Variants in INHBC observed in about 807,000 individuals in gnomAD.
INHBC encodes inhibin subunit beta C, also known as inhibin beta C chain.
A neutral mutation model predicts 12.4 loss-of-function variants in INHBC; 10 were observed. That is an observed-to-expected ratio of 0.81 (90% confidence interval 0.50 to 1.37). INHBC has a LOEUF of 1.37. Ranked by LOEUF, INHBC falls within the 40% of genes most tolerant of loss-of-function variation. The pLI is 0.00. For synonymous variants in INHBC, 147 were observed against 171.6 expected, an observed-to-expected ratio of 0.86 and a Z score of 1.12; for missense variants, 382 against 439.4, an observed-to-expected ratio of 0.87 and a Z score of 1.17.
intron 1 of INHBC, among the ~76,000 whole-genome samples, chr12:57,436,921 C>T (rs1008238156): frequency 6.6e-6 from 1 of 152,028 alleles, no homozygotes; most frequent in Non-Finnish European, 1.5e-5. Flanking sequence ...CCTGCCTCGC[C>T]CTCCCAAAGT....
chr12:57,441,042 AAAAC>A (rs536803247), intron 1 of INHBC, among the ~76,000 whole-genome samples: 542 of 152,184 alleles, frequency 3.6e-3, no homozygotes, highest in South Asian at 6.6e-3. Flanking sequence ...ATGTTTCTTT[AAAAC>A]AAACAAACAA....
At chr12:57,436,388 C>T (rs1870337935) in intron 1 of INHBC, among the ~76,000 whole-genome samples, 1 of 151,354 alleles carries the variant, frequency 6.6e-6, no homozygotes, top group African/African-American at 2.4e-5. Flanking sequence ...TGGTCTCGAA[C>T]TCCTGACCTC....
chr12:57,448,386 T>TG (rs1269912698), intron 1 of INHBC, among the ~76,000 whole-genome samples: 1 of 151,866 alleles, frequency 6.6e-6, no homozygotes, highest in African/African-American at 2.4e-5. Flanking sequence ...CTGGCCAACA[T>TG]GGTGAAACCC....
chr12:57,436,167 CTTT>C (rs35783961), intron 1 of INHBC, among the ~76,000 whole-genome samples: 1 of 118,386 alleles, frequency 8.4e-6, no homozygotes, highest in Non-Finnish European at 1.7e-5. Context: ...TTTTAAAAAA[CTTT>C]TTTTTTTTTT....
At position 57,446,939 on chromosome 12, in the gene INHBC, T is replaced by C. The variant is rs1434557918; in HGVS notation, c.314-2338T>C. ...AGTGGTTAACTGTGTCAAACACTGC[T>C]TAAAGGTCAAGTAAGATGAATACAA... is the stretch of plus-strand genomic sequence containing the variant. On this transcript the variant is annotated intron_variant, in intron 1 of 1. Transcript: ENST00000309668. Among the ~76,000 whole-genome samples the C allele has an allele frequency of 3.3e-5, 5 of 152,274 alleles. No homozygotes were observed. In the East Asian group the frequency reaches 7.7e-4, roughly 24 times the overall value.
intron 1 of INHBC, among the ~76,000 whole-genome samples, chr12:57,443,979 G>A (rs1436104340): frequency 6.6e-6 from 1 of 151,824 alleles, no homozygotes; most frequent in Non-Finnish European, 1.5e-5. Context: ...AGTAGAAATG[G>A]GGTTTCACCC....
chr12:57,444,313 T>C (rs1162068113), intron 1 of INHBC, among the ~76,000 whole-genome samples: 3 of 151,206 alleles, frequency 2.0e-5, no homozygotes, highest in Non-Finnish European at 3.0e-5. Flanking sequence ...GAGGCCGAGG[T>C]AGGAGGATCA....
intron 1 of INHBC, among the ~76,000 whole-genome samples, chr12:57,444,952 G>C (rs562570926): frequency 6.6e-6 from 1 of 152,170 alleles, no homozygotes; most frequent in Non-Finnish European, 1.5e-5. Flanking sequence ...ATAGTGCTGC[G>C]ATTACAGGCA....
chr12:57,449,516 G>T lies in INHBC; in HGVS notation c.553G>T (p.Glu185Ter). The T allele has an allele frequency of 2.5e-6, 4 of 1,614,192 alleles. No homozygotes were observed. The highest frequency in any genetic ancestry group is 3.4e-6 in the Non-Finnish European group (4 of 1,180,028). The change falls in exon 2 of 2, where the codon GAA becomes TAA. Residue 185 changes from glutamate to a stop codon, truncating the protein, a stop_gained. Transcript: ENST00000309668. LOFTEE classifies it high-confidence loss of function. Reference sequence around the variant, plus strand: ...CTGGCATCAACTCCCCCTAGGGCCTGAAGCTCAAGCTGCCTGCAGCCAGGG... The same window carrying T: ...CTGGCATCAACTCCCCCTAGGGCCTTAAGCTCAAGCTGCCTGCAGCCAGGG... Reference protein sequence around the residue: ...SGWHQLPLGPEAQAACSQGHL... With the variant: ...SGWHQLPLGP
chr12:57,439,992 T>G (rs1161813691), intron 1 of INHBC, among the ~76,000 whole-genome samples: 1 of 152,070 alleles, frequency 6.6e-6, no homozygotes, highest in Non-Finnish European at 1.5e-5. Flanking sequence ...GCTATAGGCA[T>G]GTGTTCCCAT....
In INHBC at chr12:57,436,888, C is replaced by T. The variant is rs1332270801; in HGVS notation, c.313+1689C>T. Among the ~76,000 whole-genome samples, 3 of 151,860 alleles carry T rather than the reference C, an allele frequency of 2.0e-5. No individual in the cohort carries two copies. In the South Asian group the frequency reaches 6.2e-4, roughly 32 times the overall value. On this transcript the variant is annotated intron_variant, in intron 1 of 1. Coordinates refer to ENST00000309668, the MANE Select transcript of INHBC (RefSeq NM_005538.4). ...TTCACCGTGTTAGCCAGGATGATCT[C>T]GATCTCCTGACCTCGTGATCCTCCT...
chr12:57,438,986 A>G (rs1169538336), intron 1 of INHBC, among the ~76,000 whole-genome samples: 1 of 152,182 alleles, frequency 6.6e-6, no homozygotes, highest in East Asian at 1.9e-4. Context: ...GATTGTGAAC[A>G]TCTTCTCCCA....
Position 57,451,432 on chromosome 12 carries a change from G to A in INHBC, c.*1410G>A, listed in dbSNP as rs1024400475. On this transcript the variant is annotated 3_prime_UTR_variant, in exon 2 of 2. Transcript: ENST00000309668. ...CTGCTGGAGTGGGACAGGGAGAAGAGGAAGGCCTGGATGAGGAGAGGGTGG... is the reference window on the plus strand; with the variant it reads ...CTGCTGGAGTGGGACAGGGAGAAGAAGAAGGCCTGGATGAGGAGAGGGTGG... Among the ~76,000 whole-genome samples, 4 of 152,206 alleles carry A rather than the reference G, an allele frequency of 2.6e-5. No homozygotes were observed. Among genetic ancestry groups the A allele is most frequent in the African/African-American group, 9.7e-5 (4 of 41,442 alleles).
chr12:57,449,209 TAC>T (rs1322636503), intron 1 of INHBC, 66 bp from the exon 2 acceptor site: 207 of 1,539,310 alleles, frequency 1.3e-4, no homozygotes, highest in Non-Finnish European at 1.7e-4. Context: ...GAATGCTGAG[TAC>T]AGAGAAATAG....
At position 57,451,923 on chromosome 12, in the gene INHBC, G is replaced by A. The variant is rs2280139; in HGVS notation, c.*1901G>A. 0.48 allele frequency: 205,572 copies of A among 431,754 alleles called. 51,218 individuals carry two copies. The highest frequency in any genetic ancestry group is 0.74 in the Middle Eastern group (2,132 of 2,884). 26.7% of individuals were successfully genotyped at this position (431,754 alleles called of 1,614,324 possible). A position where few individuals can be genotyped will look rare whatever the true frequency, so the allele number is the denominator to read the frequency against. ...CAAAGTGAGTCATTCACCTGGGGGG[G>A]CTAAATTTTAAGGGGGTGGTGAACA... On this transcript the variant is annotated 3_prime_UTR_variant, in exon 2 of 2. Coordinates refer to ENST00000309668, the MANE Select transcript of INHBC (RefSeq NM_005538.4).
intron 1 of INHBC, among the ~76,000 whole-genome samples, chr12:57,435,501 G>A (rs921357718): frequency 1.3e-5 from 2 of 152,194 alleles, no homozygotes. Flanking sequence ...AGGCTGTGGT[G>A]TGAGCCCATC....
chr12:57,442,934 T>C (rs1394237041), intron 1 of INHBC, among the ~76,000 whole-genome samples: 1 of 146,432 alleles, frequency 6.8e-6, no homozygotes, highest in Non-Finnish European at 1.5e-5. Context: ...GAGGTTGCAG[T>C]GAGCCGAGAT....
intron 1 of INHBC, among the ~76,000 whole-genome samples, chr12:57,436,447 G>A (rs557079011): frequency 6.7e-6 from 1 of 148,942 alleles, no homozygotes; most frequent in African/African-American, 2.5e-5. Context: ...ACAAGTGTGA[G>A]CCACTGTGCC....
intron 1 of INHBC, among the ~76,000 whole-genome samples, chr12:57,443,655 A>G (rs981291841): frequency 2.6e-5 from 4 of 152,232 alleles, no homozygotes; most frequent in Non-Finnish European, 4.4e-5. Flanking sequence ...ACTGTTTCCT[A>G]AAAGAGTTAG....
Sources: allele counts gnomAD v4.1 joint callset (sites outside exome capture counted in the v4.1 genomes callset), GRCh38; gene constraint gnomAD v4.1.1; transcripts MANE v1.5; gene names NCBI Gene and HGNC (gene_info 2026-07-23, HGNC 2026-07-21).